Variants in PKHD1 observed in about 807,000 individuals in gnomAD.
PKHD1 encodes the protein fibrocystin.
PKHD1 carries 291 observed loss-of-function variants against 412.0 expected under a neutral mutation model. That is an observed-to-expected ratio of 0.71 (90% CI 0.64 to 0.78). The LOEUF is 0.78. Among genes scored for constraint, PKHD1 ranks in the 30% least tolerant of loss-of-function variants. The pLI is 0.00. For missense variants in PKHD1, 4,825 were observed against 4,950.7 expected (o/e 0.97, Z 0.76); for synonymous variants, 1,777 against 1,821.5 (o/e 0.98, Z 0.62).
chr6:51,813,406 C>T (rs541380727), intron 52 of PKHD1, among the ~76,000 whole-genome samples: 1 of 152,256 alleles, frequency 6.6e-6, no homozygotes, highest in East Asian at 1.9e-4. Context: ...TATCACCATA[C>T]TCTGTAATAA....
At chr6:51,645,972 A>G (rs1295214857) in intron 63 of PKHD1, among the ~76,000 whole-genome samples, 1 of 152,158 alleles carries the variant, frequency 6.6e-6, no homozygotes, top group Non-Finnish European at 1.5e-5. Flanking sequence ...CTACCTTAAA[A>G]ATCATTTTTA....
chr6:51,753,198 T>C lies in PKHD1; in HGVS notation c.8950+3A>G. ...ATGGCCAATTACTTAAAATTTCATT[T>C]ACCTGAAAATTCTTCTCGGCTGGAC... On this transcript the variant is annotated splice_donor_region_variant and intron_variant, in intron 57 of 66. Coordinates refer to ENST00000371117, the MANE Select transcript of PKHD1 (RefSeq NM_138694.4). 6.2e-7 allele frequency: 1 copy of C among 1,613,404 alleles called. No individual in the cohort carries two copies. The highest frequency in any genetic ancestry group is 1.3e-5 in the African/African-American group (1 of 75,006).
At chr6:51,838,570 G>T (rs1370352792) in intron 50 of PKHD1, among the ~76,000 whole-genome samples, 6 of 152,218 alleles carry the variant, frequency 3.9e-5, no homozygotes, top group South Asian at 2.1e-4. Context: ...TTCAGGATCA[G>T]AACAGATACA....
chr6:52,085,044 A>T, intron 1 of PKHD1, 27 bp from the exon 2 acceptor site: 1 of 803,514 alleles, frequency 1.2e-6, no homozygotes, highest in South Asian at 1.4e-5. Flanking sequence ...AAAGCAAAAA[A>T]AAATTATCAT....
chr6:51,681,806 A>T (rs954999451), intron 60 of PKHD1, among the ~76,000 whole-genome samples: 4 of 152,116 alleles, frequency 2.6e-5, no homozygotes, highest in Admixed American at 2.6e-4. Flanking sequence ...GCATTTGTTT[A>T]TGTATTGCCT....
At chr6:51,742,277 C>T (rs1169193876) in intron 60 of PKHD1, among the ~76,000 whole-genome samples, 1 of 152,212 alleles carries the variant, frequency 6.6e-6, no homozygotes, top group Admixed American at 6.5e-5. Context: ...GCGCTTGGCA[C>T]TGACTTTAAA....
chr6:51,914,740 C>A lies in PKHD1; in HGVS notation c.6122-2164G>T, dbSNP rs552906249. Among the ~76,000 whole-genome samples, 3 of 152,148 alleles carry A rather than the reference C, an allele frequency of 2.0e-5. No individual in the cohort carries two copies. The South Asian group carries it at 6.2e-4, about 32-fold the overall frequency. ...GACCCTACTTTATGGTCTCTGATTT[C>A]TTAATAAATTCTGTTCCAAGAAGCC... is the stretch of plus-strand genomic sequence containing the variant. On this transcript the variant is annotated intron_variant, in intron 37 of 66. Transcript: ENST00000371117.
chr6:51,632,546 TAA>T lies in PKHD1; in HGVS notation c.11665+17_11665+18del. The stretch of plus-strand genomic sequence containing the variant: ...TTTTTCAGAAATTTTCATTCCAAAA[TAA>T]AAAAAAAACTACATACTTCTGCTTT... On this transcript the variant is annotated intron_variant, in intron 65 of 66. Transcript: ENST00000371117. The T allele has an allele frequency of 1.4e-6, 2 of 1,425,762 alleles. No individual in the cohort carries two copies. The highest frequency in any genetic ancestry group is 1.9e-6 in the Non-Finnish European group (2 of 1,042,264). 88.3% of individuals were successfully genotyped at this position (1,425,762 alleles called of 1,614,324 possible).
intron 5 of PKHD1, among the ~76,000 whole-genome samples, chr6:52,076,727 G>A (rs185937777): frequency 6.6e-6 from 1 of 152,180 alleles, no homozygotes; most frequent in Admixed American, 6.5e-5. Flanking sequence ...GATGTTTTGG[G>A]GCCTTGAAGA....
In PKHD1 at chr6:52,026,096, G is replaced by A; in HGVS notation, c.3714C>T (p.Asp1238=). ...VWVLVGNRSC[D]IVNLTEASIW... ...TGCTCGCCTCCGTTAAGTTCACAAT[G>A]TCACAGGACCGATTGCCCACAAGTA... Residue 1238 remains aspartate (D), a synonymous_variant, in exon 32 of 67, where the codon GAC becomes GAT. Transcript: ENST00000371117. 1 of 1,614,160 alleles carries A rather than the reference G, an allele frequency of 6.2e-7. No homozygotes were observed. The highest frequency in any genetic ancestry group is 8.5e-7 in the Non-Finnish European group (1 of 1,180,030).
chr6:51,648,224 T>C (rs1040292323), intron 62 of PKHD1, 106 bp from the exon 63 acceptor site: 18 of 702,736 alleles, frequency 2.6e-5, no homozygotes, highest in South Asian at 2.4e-4. Flanking sequence ...AAAGCATATA[T>C]TCAGTAGAAA....
At chr6:51,838,683 C>A (rs1035836096) in intron 50 of PKHD1, among the ~76,000 whole-genome samples, 5 of 152,138 alleles carry the variant, frequency 3.3e-5, no homozygotes, top group South Asian at 2.1e-4. Context: ...CTATCTCTTC[C>A]CAAACACCAT....
At chr6:52,031,778 C>T (rs933628592) in intron 29 of PKHD1, among the ~76,000 whole-genome samples, 1 of 152,246 alleles carries the variant, frequency 6.6e-6, no homozygotes, top group East Asian at 1.9e-4. Context: ...TACGACACTT[C>T]GTGGATTTTA....
At position 52,073,547 on chromosome 6, in the gene PKHD1, TGAA is replaced by T. The variant is rs545812620; in HGVS notation, c.449-9_449-7del. 5.3e-4 allele frequency: 817 copies of T among 1,555,584 alleles called. 6 individuals are homozygous for T. The African/African-American group carries it at 0.01, about 19-fold the overall frequency. ...ATATACATGTATTAGTTTTCCTGTT[TGAA>T]GAAGAATTTTTTTAATTTAATGGAC... On this transcript the variant is annotated splice_region_variant and splice_polypyrimidine_tract_variant and intron_variant, in intron 6 of 66. Coordinates refer to ENST00000371117, the MANE Select transcript of PKHD1 (RefSeq NM_138694.4).
chr6:51,892,988 G>A (rs1334678936), intron 43 of PKHD1, among the ~76,000 whole-genome samples: 1 of 152,130 alleles, frequency 6.6e-6, no homozygotes, highest in Non-Finnish European at 1.5e-5. Context: ...TTTCCCCAGG[G>A]AAGTGAAACT....
intron 21 of PKHD1, 115 bp from the exon 22 acceptor site, chr6:52,050,410 G>C (rs1806628095): frequency 4.0e-6 from 4 of 1,011,738 alleles, no homozygotes. Context: ...CTAAAGCATA[G>C]ATTCCTACTT....
chr6:51,939,166 T>C (rs2474887), intron 36 of PKHD1, among the ~76,000 whole-genome samples: 104,439 of 150,288 alleles, frequency 0.69, 37,508 homozygotes, highest in East Asian at 0.94. Flanking sequence ...AGGACCCCCC[T>C]GACCCCTTCT....
intron 48 of PKHD1, among the ~76,000 whole-genome samples, chr6:51,857,062 C>T (rs980021168): frequency 1.7e-4 from 26 of 152,146 alleles, no homozygotes; most frequent in African/African-American, 6.3e-4. Context: ...AAGTAGAACT[C>T]GAAATTTGTG....
intron 52 of PKHD1, among the ~76,000 whole-genome samples, chr6:51,809,967 T>C (rs1481535409): frequency 2.6e-5 from 4 of 152,102 alleles, no homozygotes; most frequent in Non-Finnish European, 4.4e-5. Context: ...ATTGCATTGT[T>C]TGGTATCTCC....
Sources: gnomAD v4.1 joint callset for allele counts (sites outside exome capture counted in the v4.1 genomes callset) on GRCh38, gnomAD v4.1.1 for gene constraint, MANE v1.5 for transcripts, NCBI Gene and HGNC (gene_info 2026-07-23, HGNC 2026-07-21) for gene names.